The following ERC1 variants were observed in gnomAD, a reference collection of about 807,000 sequenced individuals.
ERC1 encodes the protein ELKS/RAB6-interacting/CAST family member 1, also known as RAB6 interacting protein 2.
ERC1 carries 56 observed loss-of-function variants against 132.0 expected under a neutral mutation model. The observed-to-expected ratio is 0.42, with a 90% CI of 0.34 to 0.53. ERC1 has a LOEUF of 0.53. Among genes scored for constraint, ERC1 ranks in the 20% least tolerant of loss-of-function variants. The pLI, the probability that ERC1 is intolerant of heterozygous loss-of-function variation, is 0.03. For missense variants in ERC1, 1,202 were observed against 1,349.9 expected (o/e 0.89, Z 1.72); for synonymous variants, 478 against 476.1 (o/e 1.00, Z -0.05).
chr12:1,402,726 T>C (rs2091183214), intron 16 of ERC1, among the ~76,000 whole-genome samples: 1 of 151,790 alleles, frequency 6.6e-6, no homozygotes, highest in Non-Finnish European at 1.5e-5. Context: ...AAAAGCTAGC[T>C]CTTAGAGAGG....
chr12:1,141,525 C>A, intron 7 of ERC1, 95 bp from the exon 8 acceptor site: 1 of 1,015,714 alleles, frequency 9.8e-7, no homozygotes, highest in Non-Finnish European at 1.4e-6. Flanking sequence ...AATAACAAAA[C>A]TCAACCTCTT....
intron 13 of ERC1, 140 bp from the exon 14 acceptor site, chr12:1,262,894 C>T: frequency 2.7e-6 from 2 of 751,272 alleles, no homozygotes; most frequent in South Asian, 1.9e-5. Context: ...TTATTGTGTC[C>T]TCTGTGACGA....
chr12:1,484,129 C>T (rs1324973624), intron 18 of ERC1, among the ~76,000 whole-genome samples: 6 of 151,600 alleles, frequency 4.0e-5, no homozygotes, highest in East Asian at 2.0e-4. Flanking sequence ...CATGGTGAAA[C>T]CCCATCTCTA....
chr12:1,326,171 A>G (rs2082431141), intron 15 of ERC1, among the ~76,000 whole-genome samples: 1 of 152,138 alleles, frequency 6.6e-6, no homozygotes, highest in South Asian at 2.1e-4. Flanking sequence ...AGGTAGAAAA[A>G]TCCTCACCGT....
chr12:1,027,109 C>T (rs1967022596), intron 1 of ERC1, among the ~76,000 whole-genome samples: 1 of 152,128 alleles, frequency 6.6e-6, no homozygotes, highest in African/African-American at 2.4e-5. Flanking sequence ...TTGCACATTT[C>T]TGTTGATTTA....
In ERC1 at chr12:1,493,541, AAAAAAAAATATATATAT is replaced by A. The variant is rs1355830031; in HGVS notation, c.*3313_*3329del. ...GACAGAGACTCCATTTAAAAAAAAA[AAAAAAAAATATATATAT>A]ATATATATATATATATATATGGATG... On this transcript the variant is annotated 3_prime_UTR_variant, in exon 19 of 19. Coordinates refer to ENST00000360905, the MANE Select transcript of ERC1 (RefSeq NM_178040.4). 1.1e-5 allele frequency: 1 copy of A among 89,746 alleles called. No homozygotes were observed. The highest frequency in any genetic ancestry group is 2.2e-5 in the Non-Finnish European group (1 of 46,044). 5.6% of individuals were successfully genotyped at this position (89,746 alleles called of 1,614,324 possible).
At chr12:1,485,838 T>C (rs912600358) in intron 18 of ERC1, among the ~76,000 whole-genome samples, 1 of 152,226 alleles carries the variant, frequency 6.6e-6, no homozygotes, top group Admixed American at 6.5e-5. Flanking sequence ...AAAATAAAGC[T>C]AAAAATACTT....
chr12:1,115,759 C>T (rs1946377877), intron 6 of ERC1, 107 bp from the exon 7 acceptor site: 13 of 974,210 alleles, frequency 1.3e-5, no homozygotes, highest in Admixed American at 1.3e-4. Context: ...TCACACAGTT[C>T]GTGCTGCATT....
intron 3 of ERC1, 83 bp downstream of exon 3, chr12:1,083,663 C>A: frequency 9.4e-7 from 1 of 1,059,980 alleles, no homozygotes; most frequent in Non-Finnish European, 1.4e-6. Flanking sequence ...CCCAGTGAAT[C>A]TACGTGCTCT....
At chr12:1,048,631 A>G (rs970176583) in intron 2 of ERC1, among the ~76,000 whole-genome samples, 4 of 152,234 alleles carry the variant, frequency 2.6e-5, no homozygotes, top group Admixed American at 2.0e-4. Context: ...TCACATCAAG[A>G]GTAAAGCTAA....
chr12:1,312,025 T>C (rs1195006451), intron 15 of ERC1, among the ~76,000 whole-genome samples: 1 of 152,242 alleles, frequency 6.6e-6, no homozygotes, highest in Non-Finnish European at 1.5e-5. Context: ...AACATGATTT[T>C]GTCTTTTGCA....
At chr12:1,392,813 T>G (rs913713507) in intron 16 of ERC1, among the ~76,000 whole-genome samples, 3 of 152,200 alleles carry the variant, frequency 2.0e-5, no homozygotes, top group Non-Finnish European at 4.4e-5. Flanking sequence ...TGGTTTTCTG[T>G]TTTTTTCTTC....
chr12:1,360,202 T>C (rs540674574), intron 15 of ERC1, among the ~76,000 whole-genome samples: 61 of 152,338 alleles, frequency 4.0e-4, no homozygotes, highest in African/African-American at 1.4e-3. Flanking sequence ...TTGACAGACA[T>C]TGTTAAGTAT....
At chr12:1,476,850 CAAACT>C (rs1285718884) in intron 18 of ERC1, among the ~76,000 whole-genome samples, 2 of 152,130 alleles carry the variant, frequency 1.3e-5, no homozygotes, top group East Asian at 3.9e-4. Flanking sequence ...AAAACGAGAA[CAAACT>C]AAATGTCTAT....
intron 14 of ERC1, among the ~76,000 whole-genome samples, chr12:1,270,304 T>A (rs1225561715): frequency 6.6e-6 from 1 of 151,840 alleles, no homozygotes; most frequent in Admixed American, 6.6e-5. Context: ...ACCTCCCGGG[T>A]TCAAGCGATT....
chr12:1,104,126 TA>T (rs368864717), intron 3 of ERC1, among the ~76,000 whole-genome samples: 9,235 of 124,860 alleles, frequency 0.074, 292 homozygotes, highest in Middle Eastern at 0.13. Context: ...AAAATTTGGG[TA>T]AAAAAAAAAA....
At chr12:1,243,157 G>A (rs1423097495) in intron 13 of ERC1, among the ~76,000 whole-genome samples, 2 of 96,234 alleles carry the variant, frequency 2.1e-5, no homozygotes, top group South Asian at 2.6e-4. Flanking sequence ...ACTGCAGTCC[G>A]CAGTCCGGCC....
intron 8 of ERC1, among the ~76,000 whole-genome samples, chr12:1,155,314 C>CAAAAAAA (rs151006544): frequency 1.8e-5 from 1 of 55,090 alleles, no homozygotes; most frequent in Non-Finnish European, 3.5e-5. Flanking sequence ...GACTTCATCT[C>CAAAAAAA]AAAAAAAAAA....
chr12:1,080,026 T>C (rs1459825362), intron 2 of ERC1, among the ~76,000 whole-genome samples: 1 of 152,262 alleles, frequency 6.6e-6, no homozygotes, highest in Non-Finnish European at 1.5e-5. Flanking sequence ...TGTGTAAAGA[T>C]ACATATGTGA....
Sources: gnomAD v4.1 joint callset for allele counts (sites outside exome capture counted in the v4.1 genomes callset) on GRCh38, gnomAD v4.1.1 for gene constraint, MANE v1.5 for transcripts, NCBI Gene and HGNC (gene_info 2026-07-23, HGNC 2026-07-21) for gene names.